NBEA: variants seen among roughly 807,000 people sequenced by gnomAD.
NBEA encodes the protein lysosomal-trafficking regulator 2.
In NBEA, 44 loss-of-function variants were observed where a neutral mutation model predicts 343.4. The observed-to-expected ratio is 0.13, with a 90% CI of 0.10 to 0.16. The LOEUF is 0.16. NBEA is among the 10% of genes least tolerant of loss of function. The pLI is 1.00. For synonymous variants in NBEA, 1,175 were observed against 1,238.7 expected (o/e 0.95, Z 1.08); for missense variants, 2,555 against 3,631.3 (o/e 0.70, Z 7.62).
At chr13:35,118,160 T>C in intron 14 of NBEA, 68 bp from the exon 15 acceptor site, 1 of 1,042,812 alleles carries the variant, frequency 9.6e-7, no homozygotes, top group Middle Eastern at 3.2e-4. Flanking sequence ...AATGATTATT[T>C]TGACATCTTT....
intron 40 of NBEA, among the ~76,000 whole-genome samples, chr13:35,460,327 TTGAA>T (rs964743382): frequency 2.0e-5 from 3 of 152,208 alleles, no homozygotes; most frequent in African/African-American, 7.2e-5. Flanking sequence ...TTTTCTCTCT[TTGAA>T]TGAGGAAGTT....
intron 10 of NBEA, among the ~76,000 whole-genome samples, chr13:35,094,318 C>T (rs550952941): frequency 5.3e-5 from 8 of 152,066 alleles, no homozygotes; most frequent in South Asian, 2.1e-4. Flanking sequence ...TTCATGGCTC[C>T]GGGCAGACTC....
chr13:35,161,815 A>G lies in NBEA; in HGVS notation c.3927A>G (p.Gly1309=), dbSNP rs1286744588. ...TCCGAGTTGATTTAGGATTTCGAGG[A>G]ATGCCAATGACTGAGGAACAGCGAC... is the stretch of plus-strand genomic sequence containing the variant. ...RDLRVDLGFR[G]MPMTEEQRRQ... The change falls in exon 23 of 59, where the codon GGA becomes GGG. Residue 1309 remains glycine, a synonymous_variant. Transcript: ENST00000379939. The G allele has an allele frequency of 6.2e-7, 1 of 1,612,420 alleles. No homozygotes were observed. The highest frequency in any genetic ancestry group is 8.5e-7 in the Non-Finnish European group (1 of 1,179,302).
At chr13:35,643,322 TG>T (rs1366354148) in intron 49 of NBEA, among the ~76,000 whole-genome samples, 1 of 152,128 alleles carries the variant, frequency 6.6e-6, no homozygotes, top group African/African-American at 2.4e-5. Flanking sequence ...CCCTACCATG[TG>T]CACTGACACA....
chr13:35,219,699 A>G (rs955692385), intron 33 of NBEA, among the ~76,000 whole-genome samples: 4 of 152,158 alleles, frequency 2.6e-5, no homozygotes, highest in African/African-American at 9.6e-5. Context: ...CAAGAGAGCC[A>G]GTGATACAAG....
At chr13:35,255,274 T>C (rs1456375266) in intron 34 of NBEA, among the ~76,000 whole-genome samples, 2 of 152,346 alleles carry the variant, frequency 1.3e-5, no homozygotes, top group East Asian at 1.9e-4. Context: ...TAACGTGATA[T>C]TGTCATGGGA....
At chr13:35,255,019 G>T (rs1243973319) in intron 34 of NBEA, among the ~76,000 whole-genome samples, 1 of 152,104 alleles carries the variant, frequency 6.6e-6, no homozygotes. Context: ...TTTACCTGTT[G>T]CTTGTGAAAA....
rs368576667 is a variant in NBEA, at chr13:35,519,295, T to TA, written c.6586-31181dup. 2.0e-4 allele frequency among the ~76,000 whole-genome samples: 31 copies of TA among 152,336 alleles called. No homozygotes were observed. In the East Asian group the frequency reaches 6.0e-3, roughly 29 times the overall value. Reference sequence around the variant, plus strand: ...TCCACATACTCATACAAAAAAATGATACTCCTAAGTTTTAGATAAGTTAGG... The same window carrying TA: ...TCCACATACTCATACAAAAAAATGATAACTCCTAAGTTTTAGATAAGTTAGG... On this transcript the variant is annotated intron_variant, in intron 41 of 58. Transcript: ENST00000379939.
At chr13:34,993,657 T>G (rs980440710) in intron 1 of NBEA, among the ~76,000 whole-genome samples, 1 of 152,154 alleles carries the variant, frequency 6.6e-6, no homozygotes, top group African/African-American at 2.4e-5. Flanking sequence ...TTTTTCGTGG[T>G]TTGAGTATGA....
intron 36 of NBEA, among the ~76,000 whole-genome samples, chr13:35,313,469 A>C (rs929145409): frequency 2.0e-5 from 3 of 152,210 alleles, no homozygotes; most frequent in Non-Finnish European, 4.4e-5. Flanking sequence ...AGCATAAAGA[A>C]AAGAATGGTG....
At chr13:35,294,040 AAAGT>A (rs1566577915) in intron 35 of NBEA, among the ~76,000 whole-genome samples, 1 of 152,088 alleles carries the variant, frequency 6.6e-6, no homozygotes, top group Non-Finnish European at 1.5e-5. Flanking sequence ...TAAGTAATAT[AAAGT>A]AAGAGGCCTG....
At chr13:35,165,682 T>C (rs1296203319) in intron 24 of NBEA, among the ~76,000 whole-genome samples, 2 of 148,892 alleles carry the variant, frequency 1.3e-5, no homozygotes, top group Non-Finnish European at 3.0e-5. Context: ...TTCTTCTCTT[T>C]TCTTTTCTTT....
chr13:35,258,914 C>T (rs141999880), intron 34 of NBEA, among the ~76,000 whole-genome samples: 1 of 152,232 alleles, frequency 6.6e-6, no homozygotes, highest in East Asian at 1.9e-4. Context: ...GATGATTTTG[C>T]CCCCAAATAG....
intron 33 of NBEA, among the ~76,000 whole-genome samples, chr13:35,219,763 C>G (rs1236037162): frequency 6.6e-6 from 1 of 152,110 alleles, no homozygotes; most frequent in Non-Finnish European, 1.5e-5. Flanking sequence ...ATGTTTCCGT[C>G]TGAGTCCAAA....
intron 10 of NBEA, among the ~76,000 whole-genome samples, chr13:35,085,309 A>C (rs2152614969): frequency 6.6e-6 from 1 of 152,264 alleles, no homozygotes. Flanking sequence ...AATATCCCTG[A>C]TGAACATCGA....
intron 40 of NBEA, among the ~76,000 whole-genome samples, chr13:35,456,061 A>G (rs750562011): frequency 1.3e-5 from 2 of 152,068 alleles, no homozygotes; most frequent in Non-Finnish European, 2.9e-5. Context: ...TTTTGCTTAT[A>G]GATAGTCTAT....
At chr13:35,073,237 G>A (rs2063954068) in intron 10 of NBEA, among the ~76,000 whole-genome samples, 1 of 152,096 alleles carries the variant, frequency 6.6e-6, no homozygotes, top group African/African-American at 2.4e-5. Context: ...TATATCATCA[G>A]TTCATATCGA....
intron 10 of NBEA, among the ~76,000 whole-genome samples, chr13:35,094,119 G>A (rs1020622584): frequency 2.0e-5 from 3 of 151,654 alleles, no homozygotes; most frequent in African/African-American, 7.3e-5. Flanking sequence ...AATAAAATAC[G>A]CTATACAACA....
At chr13:34,982,298 A>G (rs982868435) in intron 1 of NBEA, among the ~76,000 whole-genome samples, 41 of 150,852 alleles carry the variant, frequency 2.7e-4, no homozygotes, top group Admixed American at 2.5e-3. Context: ...TTTTGTTGTT[A>G]TTGATTTTTT....
Sources: gnomAD v4.1 joint callset for allele counts (sites outside exome capture counted in the v4.1 genomes callset) on GRCh38, gnomAD v4.1.1 for gene constraint, MANE v1.5 for transcripts, NCBI Gene and HGNC (gene_info 2026-07-23, HGNC 2026-07-21) for gene names.